The following SYNE2 variants were observed in gnomAD, a reference collection of about 807,000 sequenced individuals.
SYNE2 encodes the protein spectrin repeat containing nuclear envelope protein 2.
SYNE2 carries 431 observed loss-of-function variants against 856.3 expected under a neutral mutation model. That is an observed-to-expected ratio of 0.50 (90% confidence interval 0.47 to 0.55). The LOEUF (loss-of-function observed/expected upper bound fraction) is 0.55, where lower values mean the gene tolerates loss of function less well. SYNE2 is among the 20% of genes least tolerant of loss of function. The probability of loss-of-function intolerance (pLI) is 0.00; values close to 1 mark genes in which losing one functional copy is unlikely to be tolerated. For synonymous variants in SYNE2, 2,923 were observed against 2,872.3 expected (o/e 1.02, Z -0.56); for missense variants, 8,129 against 8,023.2 (o/e 1.01, Z -0.50).
At chr14:64,219,669 A>G (rs2098685885) in intron 110 of SYNE2, among the ~76,000 whole-genome samples, 1 of 152,212 alleles carries the variant, frequency 6.6e-6, no homozygotes, top group African/African-American at 2.4e-5. Flanking sequence ...CAGAGATGGA[A>G]AAATCTGACA....
At chr14:64,190,867 G>C (rs1157132922) in intron 99 of SYNE2, 3 of 692,960 alleles carry the variant, frequency 4.3e-6, no homozygotes, top group Non-Finnish European at 8.0e-6. Context: ...CTCCCAAAAT[G>C]ATGATGATGC....
intron 1 of SYNE2, among the ~76,000 whole-genome samples, chr14:63,798,971 C>A (rs1215163974): frequency 6.6e-6 from 1 of 152,188 alleles, no homozygotes; most frequent in Non-Finnish European, 1.5e-5. Flanking sequence ...GGGTCCTGCT[C>A]ACACAAGTCA....
At chr14:63,763,774 C>G (rs1226664055) in intron 1 of SYNE2, among the ~76,000 whole-genome samples, 1 of 152,154 alleles carries the variant, frequency 6.6e-6, no homozygotes, top group Non-Finnish European at 1.5e-5. Flanking sequence ...AAGTAATTCT[C>G]CCACCTCTGC....
In SYNE2 at chr14:64,168,961, A is replaced by G. The variant is rs763716228; in HGVS notation, c.16990A>G (p.Ile5664Val). ...QSLQLLDTTE[I>V]ENRPEFITEF... ...CTTACAACTCCTGGACACAACAGAA[A>G]TAGAGAACAGGTGAGCTGTCTGGGC... Residue 5664 changes from isoleucine to valine, a missense_variant, in exon 93 of 116, where the codon ATA becomes GTA. Ile to Val is a conservative substitution (Grantham distance 29). Transcript: ENST00000555002. 18 of 1,613,658 alleles carry G rather than the reference A, an allele frequency of 1.1e-5. No homozygotes were observed. Among genetic ancestry groups the G allele is most frequent in the Non-Finnish European group, 1.4e-5 (16 of 1,179,548 alleles).
intron 1 of SYNE2, among the ~76,000 whole-genome samples, chr14:63,875,063 G>A (rs2094684286): frequency 6.6e-6 from 1 of 151,442 alleles, no homozygotes; most frequent in South Asian, 2.1e-4. Flanking sequence ...TTTTAAATGG[G>A]GTGTTGCTAT....
intron 2 of SYNE2, among the ~76,000 whole-genome samples, chr14:63,938,800 C>T (rs780806210): frequency 7.9e-5 from 12 of 151,986 alleles, no homozygotes; most frequent in Non-Finnish European, 1.3e-4. Flanking sequence ...TGGCACACCA[C>T]GGGTTTCATC....
intron 1 of SYNE2, among the ~76,000 whole-genome samples, chr14:63,781,796 C>T (rs981246101): frequency 2.0e-5 from 3 of 152,074 alleles, no homozygotes; most frequent in Non-Finnish European, 4.4e-5. Context: ...TTATTTTCCT[C>T]TTGGGCTTGC....
Position 64,209,619 on chromosome 14 carries a change from G to A in SYNE2, c.18540+41G>A, listed in dbSNP as rs199564694. On this transcript the variant is annotated intron_variant, in intron 102 of 115. Coordinates refer to ENST00000555002, the MANE Select transcript of SYNE2 (RefSeq NM_182914.3). ...ATCCCGGTCTCCTGATCATAACCAA[G>A]CCTGCAGCGAGCCTGGGGGCTGCTG... The A allele has an allele frequency of 3.7e-6, 6 of 1,611,852 alleles. No individual in the cohort carries two copies. In the Admixed American group the frequency reaches 6.7e-5, roughly 18 times the overall value.
chr14:64,029,661 CAAAG>C (rs1280763041), intron 43 of SYNE2, among the ~76,000 whole-genome samples: 2 of 84,646 alleles, frequency 2.4e-5, no homozygotes, highest in Non-Finnish European at 5.7e-5. Context: ...GAAATGAAGG[CAAAG>C]AAGCATGGAA....
chr14:64,070,211 C>T (rs750227024), intron 51 of SYNE2, among the ~76,000 whole-genome samples: 6 of 152,126 alleles, frequency 3.9e-5, no homozygotes, highest in Admixed American at 2.0e-4. Flanking sequence ...GCTGGCCTTA[C>T]TTTTTTAGCA....
At position 64,208,945 on chromosome 14, in the gene SYNE2, A is replaced by T. The variant is rs751926971; in HGVS notation, c.18389A>T (p.Lys6130Ile). ...ICAMSMERRM[K>I]IEETWRLWQK... ...GCCATGTCCATGGAGCGGCGCATGA[A>T]GTAAGAACTAAGCTCCCCCAAATGC... The change falls in exon 101 of 116, where the codon AAA (lysine) becomes ATA (isoleucine). Residue 6130 changes from lysine to isoleucine, a missense_variant and splice_region_variant. Physicochemically the swap from Lys to Ile is moderately radical, Grantham distance 102 (BLOSUM62 -3). Around this residue, in one of 3 missense-constraint regions of SYNE2, gnomAD observed 5,410 missense variants for 5,284.8 expected, o/e 1.02. Coordinates refer to ENST00000555002, the MANE Select transcript of SYNE2 (RefSeq NM_182914.3). 1.2e-6 allele frequency: 2 copies of T among 1,613,784 alleles called. No homozygotes were observed. The highest frequency in any genetic ancestry group is 4.5e-5 in the East Asian group (2 of 44,890).
chr14:64,195,153 A>C (rs1386490272), intron 99 of SYNE2, among the ~76,000 whole-genome samples: 1 of 152,174 alleles, frequency 6.6e-6, no homozygotes, highest in Non-Finnish European at 1.5e-5. Context: ...ATGTGTGAAT[A>C]ATCTGATGAA....
intron 73 of SYNE2, among the ~76,000 whole-genome samples, chr14:64,127,809 GAC>G (rs2097963722): frequency 1.3e-5 from 2 of 152,190 alleles, no homozygotes; most frequent in African/African-American, 4.8e-5. Flanking sequence ...AAGTAAAACA[GAC>G]ACAAGAAAAG....
rs562338282 is a variant in SYNE2, at chr14:63,921,667, G to A, written c.79+12440G>A. ...GGAAATACGTAAGTGGCCTAGGTGA[G>A]AATTAGGTAGTGTTTGGGGCAGCCC... On this transcript the variant is annotated intron_variant, in intron 2 of 115. Coordinates refer to ENST00000555002, the MANE Select transcript of SYNE2 (RefSeq NM_182914.3). Among the ~76,000 whole-genome samples, 9 of 152,312 alleles carry A rather than the reference G, an allele frequency of 5.9e-5. 1 individual carries two copies. The highest frequency in any genetic ancestry group is 1.7e-4 in the African/African-American group (7 of 41,568).
At chr14:64,080,416 G>A (rs760241727) in intron 55 of SYNE2, 40 bp from the exon 56 acceptor site, 5 of 1,604,050 alleles carry the variant, frequency 3.1e-6, no homozygotes, top group East Asian at 2.2e-5. Flanking sequence ...CATAAACTAT[G>A]ACCTCTTCAT....
intron 45 of SYNE2, 128 bp from the exon 46 acceptor site, chr14:64,047,872 C>A: frequency 5.0e-6 from 5 of 999,702 alleles, no homozygotes; most frequent in Non-Finnish European, 7.5e-6. Flanking sequence ...TTTCGTAGTG[C>A]CCAAATATAC....
intron 113 of SYNE2, 106 bp downstream of exon 113, chr14:64,223,486 G>A: frequency 7.5e-7 from 1 of 1,329,402 alleles, no homozygotes; most frequent in Non-Finnish European, 1.1e-6. Context: ...GCAAGGGCCA[G>A]GTGGTCCGAG....
intron 1 of SYNE2, among the ~76,000 whole-genome samples, chr14:63,844,273 A>T (rs1352252855): frequency 6.6e-6 from 1 of 152,182 alleles, no homozygotes; most frequent in Non-Finnish European, 1.5e-5. Context: ...TTGGAGTCAT[A>T]CAGTACGTGG....
chr14:63,838,591 T>C (rs1269996658), intron 1 of SYNE2, among the ~76,000 whole-genome samples: 1 of 151,872 alleles, frequency 6.6e-6, no homozygotes, highest in African/African-American at 2.4e-5. Context: ...CATAGCTCAC[T>C]GCAGCCTCTA....
Sources: allele counts gnomAD v4.1 joint callset (sites outside exome capture counted in the v4.1 genomes callset), GRCh38; gene constraint gnomAD v4.1.1; regional missense constraint gnomAD v4.1.1; transcripts MANE v1.5; gene names NCBI Gene and HGNC (gene_info 2026-07-23, HGNC 2026-07-21).